The following HDAC9 variants were observed in gnomAD, a reference collection of about 807,000 sequenced individuals.
HDAC9 encodes MEF-2 interacting transcription repressor (MITR) protein.
Under a neutral mutation model 139.4 loss-of-function variants are expected in HDAC9, and 41 were observed. The observed-to-expected ratio is 0.29, with a 90% CI of 0.23 to 0.38. The LOEUF (loss-of-function observed/expected upper bound fraction) is 0.38, where lower values mean the gene tolerates loss of function less well. HDAC9 is among the 10% of genes least tolerant of loss of function. The pLI is 1.00. For missense variants in HDAC9, 1,147 were observed against 1,297.0 expected, an observed-to-expected ratio of 0.88 and a Z score of 1.78; for synonymous variants, 517 against 476.2, an observed-to-expected ratio of 1.09 and a Z score of -1.12.
intron 2 of HDAC9, among the ~76,000 whole-genome samples, chr7:18,271,909 G>A (rs1262410048): frequency 6.6e-6 from 1 of 152,190 alleles, no homozygotes; most frequent in Admixed American, 6.5e-5. Flanking sequence ...AATGATGAAT[G>A]AATGCATCCA....
chr7:18,820,308 A>G (rs1488039031), intron 17 of HDAC9, among the ~76,000 whole-genome samples: 1 of 152,184 alleles, frequency 6.6e-6, no homozygotes, highest in East Asian at 1.9e-4. Context: ...AGCCAAGGAG[A>G]AACTTGGTTC....
intron 2 of HDAC9, among the ~76,000 whole-genome samples, chr7:18,547,283 T>G (rs1239786361): frequency 1.3e-5 from 2 of 152,194 alleles, no homozygotes; most frequent in South Asian, 2.1e-4. Context: ...TTGCCCAGGC[T>G]GGAGTGCAGT....
chr7:18,773,479 C>G (rs1264381238), intron 16 of HDAC9, among the ~76,000 whole-genome samples: 1 of 151,066 alleles, frequency 6.6e-6, no homozygotes, highest in African/African-American at 2.4e-5. Context: ...AACATTGAGA[C>G]AAGAAGAAAT....
intron 12 of HDAC9, among the ~76,000 whole-genome samples, chr7:18,670,575 A>G (rs182379976): frequency 6.6e-6 from 1 of 152,182 alleles, no homozygotes; most frequent in East Asian, 1.9e-4. Context: ...TGAAGGAGGT[A>G]TTATTATCAT....
chr7:18,981,910 A>G (rs925390970), intron 25 of HDAC9, among the ~76,000 whole-genome samples: 1 of 152,166 alleles, frequency 6.6e-6, no homozygotes, highest in African/African-American at 2.4e-5. Flanking sequence ...AATAAATGAC[A>G]AGTCTTTGAT....
intron 1 of HDAC9, among the ~76,000 whole-genome samples, chr7:18,478,113 C>A (rs1410806677): frequency 6.6e-6 from 1 of 152,012 alleles, no homozygotes; most frequent in Non-Finnish European, 1.5e-5. Flanking sequence ...GCTCTGTCGC[C>A]CAGGCTGGAG....
chr7:18,948,110 T>C (rs559640671), intron 23 of HDAC9, among the ~76,000 whole-genome samples: 1 of 152,108 alleles, frequency 6.6e-6, no homozygotes, highest in South Asian at 2.1e-4. Flanking sequence ...TTCCACAGTA[T>C]ACATCAGGTT....
chr7:18,208,240 T>C (rs1791681571), intron 2 of HDAC9, among the ~76,000 whole-genome samples: 1 of 152,110 alleles, frequency 6.6e-6, no homozygotes. Context: ...CCTTTCACAT[T>C]TTCTATCTCA....
chr7:18,510,008 G>GT (rs1800985935), intron 2 of HDAC9, among the ~76,000 whole-genome samples: 1 of 152,120 alleles, frequency 6.6e-6, no homozygotes. Context: ...TGCACAATGT[G>GT]TTTTTATACA....
intron 25 of HDAC9, among the ~76,000 whole-genome samples, chr7:18,990,029 C>G (rs190674220): frequency 6.6e-6 from 1 of 151,868 alleles, no homozygotes; most frequent in African/African-American, 2.4e-5. Flanking sequence ...GTAATTTGAT[C>G]GTCTGAAGCC....
rs920962753 is a variant in HDAC9, at chr7:18,238,834, C to G, written c.25+76485C>G. Reference sequence around the variant, plus strand: ...CTTTTAGCAGTGGGAGTTACATAATCTAATAATTAATTGTCTGTAGCTTCC... The same window carrying G: ...CTTTTAGCAGTGGGAGTTACATAATGTAATAATTAATTGTCTGTAGCTTCC... On this transcript the variant is annotated intron_variant, in intron 2 of 12. Coordinates refer to the HDAC9 transcript ENST00000417496. Among the ~76,000 whole-genome samples, 3 of 152,304 alleles carry G rather than the reference C, an allele frequency of 2.0e-5. No homozygotes were observed. In the East Asian group the frequency reaches 5.8e-4, roughly 29 times the overall value.
At chr7:18,350,268 A>G (rs1019004965) in intron 1 of HDAC9, among the ~76,000 whole-genome samples, 2 of 152,070 alleles carry the variant, frequency 1.3e-5, no homozygotes, top group Admixed American at 6.6e-5. Context: ...TTGAAAAGCA[A>G]TTTTTCTTTT....
chr7:18,499,946 AAGTCTGTG>A (rs1228248693), intron 2 of HDAC9, among the ~76,000 whole-genome samples: 1 of 152,102 alleles, frequency 6.6e-6, no homozygotes, highest in Non-Finnish European at 1.5e-5. Context: ...ATGAAAATGT[AAGTCTGTG>A]AAATGTTCCT....
At chr7:18,524,358 TGTGG>T (rs1806095753) in intron 2 of HDAC9, among the ~76,000 whole-genome samples, 1 of 152,140 alleles carries the variant, frequency 6.6e-6, no homozygotes, top group Non-Finnish European at 1.5e-5. Context: ...AAATTTCAGA[TGTGG>T]GTTATTGCTT....
intron 24 of HDAC9, among the ~76,000 whole-genome samples, chr7:18,956,332 G>A (rs1020351622): frequency 4.6e-5 from 7 of 151,992 alleles, no homozygotes; most frequent in African/African-American, 1.4e-4. Flanking sequence ...ATTTATTTTC[G>A]ATGTTTCTCT....
intron 2 of HDAC9, among the ~76,000 whole-genome samples, chr7:18,562,198 G>A (rs953439681): frequency 6.6e-6 from 1 of 151,942 alleles, no homozygotes; most frequent in Non-Finnish European, 1.5e-5. Flanking sequence ...TTTGATTATT[G>A]AGTCGTAAGA....
chr7:18,844,222 T>A (rs1796766937), intron 21 of HDAC9, among the ~76,000 whole-genome samples: 1 of 152,180 alleles, frequency 6.6e-6, no homozygotes, highest in Non-Finnish European at 1.5e-5. Context: ...TGGGTATTGG[T>A]TATCTAAACA....
intron 2 of HDAC9, among the ~76,000 whole-genome samples, chr7:18,278,940 G>C (rs1796921594): frequency 1.3e-5 from 2 of 152,152 alleles, no homozygotes; most frequent in South Asian, 4.1e-4. Context: ...ACTCTGTTCT[G>C]AAAGTCAGGA....
intron 22 of HDAC9, among the ~76,000 whole-genome samples, chr7:18,895,344 A>T (rs1362534043): frequency 3.9e-5 from 6 of 152,138 alleles, no homozygotes; most frequent in African/African-American, 7.2e-5. Context: ...GACAATGTAG[A>T]TTATAAGAGA....
Sources: gnomAD v4.1 joint callset for allele counts (sites outside exome capture counted in the v4.1 genomes callset) on GRCh38, gnomAD v4.1.1 for gene constraint, MANE v1.5 for transcripts, NCBI Gene and HGNC (gene_info 2026-07-23, HGNC 2026-07-21) for gene names.